The following MDGA2 variants were observed in gnomAD, a reference collection of about 807,000 sequenced individuals.
The protein encoded by MDGA2 is MAM domain containing glycosylphosphatidylinositol anchor 2.
A neutral mutation model predicts 117.8 loss-of-function variants in MDGA2; 40 were observed. That is an observed-to-expected ratio of 0.34 (90% CI 0.26 to 0.44). The LOEUF is 0.44. MDGA2 is among the 20% of genes least tolerant of loss of function. The probability of loss-of-function intolerance (pLI) is 1.00; values close to 1 mark genes in which losing one functional copy is unlikely to be tolerated. For missense variants in MDGA2, 1,123 were observed against 1,250.6 expected (o/e 0.90, Z 1.54); for synonymous variants, 452 against 439.0 (o/e 1.03, Z -0.37).
intron 1 of MDGA2, among the ~76,000 whole-genome samples, chr14:47,392,386 C>T (rs1277698353): frequency 6.6e-6 from 1 of 152,008 alleles, no homozygotes; most frequent in Non-Finnish European, 1.5e-5. Flanking sequence ...TCATGACTCA[C>T]ATAAAAATGT....
chr14:47,049,613 T>C (rs1889384292), intron 7 of MDGA2, among the ~76,000 whole-genome samples: 1 of 152,040 alleles, frequency 6.6e-6, no homozygotes, highest in Non-Finnish European at 1.5e-5. Flanking sequence ...TATTCCATGA[T>C]GCTGATCTCT....
chr14:47,049,246 G>C (rs550301581), intron 7 of MDGA2, among the ~76,000 whole-genome samples: 1 of 151,990 alleles, frequency 6.6e-6, no homozygotes, highest in East Asian at 1.9e-4. Flanking sequence ...TAAATTACCA[G>C]CATACAGATA....
chr14:47,453,256 T>C (rs1893278606), intron 1 of MDGA2, among the ~76,000 whole-genome samples: 1 of 152,102 alleles, frequency 6.6e-6, no homozygotes, highest in Admixed American at 6.6e-5. Flanking sequence ...CTTTTGATTA[T>C]TCCAGCTTTG....
chr14:46,960,867 A>T (rs1885774444), intron 8 of MDGA2, among the ~76,000 whole-genome samples: 1 of 141,478 alleles, frequency 7.1e-6, no homozygotes, highest in African/African-American at 2.8e-5. Flanking sequence ...AATATTTTAT[A>T]TATACACATG....
chr14:47,527,328 G>A (rs1414103525), intron 1 of MDGA2, among the ~76,000 whole-genome samples: 1 of 152,188 alleles, frequency 6.6e-6, no homozygotes, highest in Admixed American at 6.5e-5. Flanking sequence ...CTAGGAAACA[G>A]CCATTGTTTT....
intron 1 of MDGA2, among the ~76,000 whole-genome samples, chr14:47,431,499 G>A (rs901597105): frequency 6.6e-6 from 1 of 152,068 alleles, no homozygotes; most frequent in African/African-American, 2.4e-5. Flanking sequence ...AAAAGAATTT[G>A]TTAAATATTA....
Position 46,841,991 on chromosome 14 carries a change from C to CA in MDGA2, c.3017dup (p.Leu1006PhefsTer29). The CA allele has an allele frequency of 6.2e-7, 1 of 1,611,786 alleles. No homozygotes were observed. Among genetic ancestry groups the CA allele is most frequent in the Non-Finnish European group, 8.5e-7 (1 of 1,178,620 alleles). Reference sequence around the variant, plus strand: ...TAATGGGAAAAAGCCATATATGAACCAAAATCCCAACAGCACCATCAACGG... The same window carrying CA: ...TAATGGGAAAAAGCCATATATGAACCAAAAATCCCAACAGCACCATCAACGG... On this transcript the variant is annotated frameshift_variant, in exon 17 of 17. Transcript: ENST00000399232. LOFTEE classifies it high-confidence loss of function.
Position 46,990,230 on chromosome 14 carries a change from C to T in MDGA2, c.1820-32587G>A, listed in dbSNP as rs972409832. On this transcript the variant is annotated intron_variant, in intron 8 of 16. Transcript: ENST00000399232. ...CACTTATTATAGTCCCTTACTCCCT[C>T]TCAGCTATTACAAAGTTTCTATGGA... Among the ~76,000 whole-genome samples, 33 of 152,052 alleles carry T rather than the reference C, an allele frequency of 2.2e-4. 1 individual carries two copies. The highest frequency in any genetic ancestry group is 2.2e-3 in the Admixed American group (33 of 15,226).
At chr14:47,476,571 T>A (rs936161609) in intron 1 of MDGA2, among the ~76,000 whole-genome samples, 1 of 152,122 alleles carries the variant, frequency 6.6e-6, no homozygotes, top group Non-Finnish European at 1.5e-5. Context: ...AGTGAAACTT[T>A]TTTTTTATGG....
chr14:46,867,523 C>T (rs1254625735), intron 14 of MDGA2, among the ~76,000 whole-genome samples: 1 of 151,886 alleles, frequency 6.6e-6, no homozygotes, highest in Middle Eastern at 3.4e-3. Context: ...GCACATGTAC[C>T]CTAAAACTTA....
At chr14:47,522,372 T>TAC (rs1555329325) in intron 1 of MDGA2, among the ~76,000 whole-genome samples, 18 of 150,142 alleles carry the variant, frequency 1.2e-4, no homozygotes, top group African/African-American at 3.2e-4. Flanking sequence ...TGTGTATATA[T>TAC]ACACACACAC....
chr14:47,131,655 G>A lies in MDGA2; in HGVS notation c.925+59C>T, dbSNP rs997935008. ...ATTTGGTCTTTAAAAAAGTTAAAGAGAGTTTTTAAACATTAGTTGTAGATA... is the reference window on the plus strand; with the variant it reads ...ATTTGGTCTTTAAAAAAGTTAAAGAAAGTTTTTAAACATTAGTTGTAGATA... On this transcript the variant is annotated intron_variant, in intron 5 of 16. Coordinates refer to ENST00000399232, the MANE Select transcript of MDGA2 (RefSeq NM_001113498.3). The A allele has an allele frequency of 1.2e-5, 16 of 1,343,742 alleles. No individual in the cohort carries two copies. The African/African-American group carries it at 2.0e-4, about 17-fold the overall frequency. The allele number at this position is 1,343,742 out of a possible 1,614,324, so 83.2% of individuals were successfully genotyped here.
rs764737472 is a variant in MDGA2, at chr14:47,579,918, A to G, written c.280+94599T>C. Among the ~76,000 whole-genome samples the G allele has an allele frequency of 4.0e-4, 61 of 152,218 alleles. No individual in the cohort carries two copies. The Middle Eastern group carries it at 0.01, about 25-fold the overall frequency. ...TTGGATACCCATTATTAGTATTATT[A>G]CATGTTACTATGCTATGTGAATATA... On this transcript the variant is annotated intron_variant, in intron 1 of 16. Coordinates refer to ENST00000399232, the MANE Select transcript of MDGA2 (RefSeq NM_001113498.3).
Position 47,489,413 on chromosome 14 carries a change from G to A in MDGA2, c.280+185104C>T, listed in dbSNP as rs114744927. On this transcript the variant is annotated intron_variant, in intron 1 of 16. Coordinates refer to ENST00000399232, the MANE Select transcript of MDGA2 (RefSeq NM_001113498.3). ...TGAACATCGTACTCAAAAATTGACA[G>A]CTAATTAAACTAACTGACAGGAATA... Among the ~76,000 whole-genome samples the A allele has an allele frequency of 5.6e-3, 850 of 152,076 alleles. 9 individuals are homozygous for A. Among genetic ancestry groups the A allele is most frequent in the African/African-American group, 0.016 (664 of 41,530 alleles).
At chr14:47,533,544 C>A (rs1028998431) in intron 1 of MDGA2, among the ~76,000 whole-genome samples, 1 of 152,180 alleles carries the variant, frequency 6.6e-6, no homozygotes, top group Non-Finnish European at 1.5e-5. Context: ...TCTTTCCACA[C>A]GTATTGTCTG....
At chr14:47,419,124 GA>G (rs970446029) in intron 1 of MDGA2, among the ~76,000 whole-genome samples, 14 of 152,132 alleles carry the variant, frequency 9.2e-5, no homozygotes, top group Admixed American at 6.6e-5. Context: ...GCCAGTGGTT[GA>G]ACTAGATTTT....
At chr14:47,502,503 T>A (rs1402354217) in intron 1 of MDGA2, among the ~76,000 whole-genome samples, 1 of 152,160 alleles carries the variant, frequency 6.6e-6, no homozygotes, top group Non-Finnish European at 1.5e-5. Context: ...TCATGAAGAT[T>A]TGTATCTCAA....
chr14:47,641,623 G>A (rs1897426144), intron 1 of MDGA2, among the ~76,000 whole-genome samples: 1 of 152,050 alleles, frequency 6.6e-6, no homozygotes, highest in African/African-American at 2.4e-5. Context: ...TCAAAAGAAA[G>A]ATTGATAAGT....
At chr14:46,845,259 G>T (rs1359401163) in intron 16 of MDGA2, among the ~76,000 whole-genome samples, 1 of 152,160 alleles carries the variant, frequency 6.6e-6, no homozygotes, top group Non-Finnish European at 1.5e-5. Flanking sequence ...AAGGTACTCT[G>T]CTTCCCCTTC....
Sources: gnomAD v4.1 joint callset for allele counts (sites outside exome capture counted in the v4.1 genomes callset) on GRCh38, gnomAD v4.1.1 for gene constraint, MANE v1.5 for transcripts, NCBI Gene and HGNC (gene_info 2026-07-23, HGNC 2026-07-21) for gene names.